The following OPCML variants were observed in gnomAD, a reference collection of about 807,000 sequenced individuals.
The protein encoded by OPCML is opioid-binding protein/cell adhesion molecule.
OPCML carries 13 observed loss-of-function variants against 37.8 expected under a neutral mutation model. That is an observed-to-expected ratio of 0.34 (90% CI 0.22 to 0.55). The LOEUF (loss-of-function observed/expected upper bound fraction) is 0.55. Among genes scored for constraint, OPCML ranks in the 20% least tolerant of loss-of-function variants. The pLI, the probability that OPCML is intolerant of heterozygous loss-of-function variation, is 0.91. For missense variants in OPCML, 341 were observed against 435.6 expected, an observed-to-expected ratio of 0.78 and a Z score of 1.93; for synonymous variants, 176 against 168.8, an observed-to-expected ratio of 1.04 and a Z score of -0.33.
intron 1 of OPCML, among the ~76,000 whole-genome samples, chr11:133,296,239 G>C (rs1258021915): frequency 6.6e-6 from 1 of 152,200 alleles, no homozygotes; most frequent in Non-Finnish European, 1.5e-5. Flanking sequence ...TTGGCAGAGG[G>C]AGGGGATTTC....
intron 1 of OPCML, among the ~76,000 whole-genome samples, chr11:133,268,807 A>T (rs1180626460): frequency 1.3e-5 from 2 of 152,220 alleles, no homozygotes; most frequent in African/African-American, 4.8e-5. Context: ...GTACGATATG[A>T]GTAGATAATT....
intron 4 of OPCML, among the ~76,000 whole-genome samples, chr11:132,466,035 C>T (rs1469645491): frequency 6.6e-6 from 1 of 152,136 alleles, no homozygotes; most frequent in Non-Finnish European, 1.5e-5. Context: ...CCAATGCACA[C>T]CTATATAGAG....
intron 1 of OPCML, among the ~76,000 whole-genome samples, chr11:133,520,108 A>G (rs753849386): frequency 1.1e-4 from 16 of 152,118 alleles, no homozygotes; most frequent in African/African-American, 1.4e-4. Context: ...ACAAAGACTC[A>G]ATGTGTGGGT....
intron 1 of OPCML, among the ~76,000 whole-genome samples, chr11:133,237,230 G>T (rs1356531662): frequency 6.6e-6 from 1 of 152,200 alleles, no homozygotes; most frequent in Admixed American, 6.5e-5. Flanking sequence ...CATTTAGAAA[G>T]GTTGTGCTTC....
At chr11:132,576,738 T>C (rs1012818159) in intron 3 of OPCML, among the ~76,000 whole-genome samples, 3 of 152,186 alleles carry the variant, frequency 2.0e-5, no homozygotes, top group Admixed American at 6.5e-5. Context: ...TGGTCTTCAC[T>C]GACTTCTTCT....
At chr11:133,253,523 T>C (rs1488832015) in intron 1 of OPCML, among the ~76,000 whole-genome samples, 4 of 152,202 alleles carry the variant, frequency 2.6e-5, no homozygotes, top group African/African-American at 9.7e-5. Context: ...TTGGCCAGGC[T>C]GGTCTCAAAC....
At chr11:132,907,078 ACAATT>A (rs1944267182) in intron 2 of OPCML, among the ~76,000 whole-genome samples, 1 of 152,184 alleles carries the variant, frequency 6.6e-6, no homozygotes, top group Non-Finnish European at 1.5e-5. Context: ...TTTCCTGCTT[ACAATT>A]CACAGCCCTC....
chr11:132,946,728 G>A (rs1297929858), intron 1 of OPCML, among the ~76,000 whole-genome samples: 1 of 152,152 alleles, frequency 6.6e-6, no homozygotes, highest in Non-Finnish European at 1.5e-5. Flanking sequence ...AAGGCTTTGG[G>A]GAGTTGTGAT....
chr11:132,865,113 A>C (rs1942477666), intron 2 of OPCML, among the ~76,000 whole-genome samples: 1 of 152,252 alleles, frequency 6.6e-6, no homozygotes. Context: ...TTTTTAAAAA[A>C]TATTATGAAA....
chr11:132,612,060 C>A (rs1424775853), intron 3 of OPCML, among the ~76,000 whole-genome samples: 4 of 152,156 alleles, frequency 2.6e-5, no homozygotes, highest in African/African-American at 9.7e-5. Context: ...TCAAGTTTTT[C>A]TATAACTATT....
intron 1 of OPCML, among the ~76,000 whole-genome samples, chr11:133,071,940 ATGCT>A (rs1202136611): frequency 1.3e-5 from 2 of 152,192 alleles, no homozygotes; most frequent in Non-Finnish European, 2.9e-5. Context: ...AAAGGATAAA[ATGCT>A]TGCCCAGAGT....
chr11:133,486,624 C>A (rs1347677567), intron 1 of OPCML, among the ~76,000 whole-genome samples: 1 of 152,090 alleles, frequency 6.6e-6, no homozygotes, highest in South Asian at 2.1e-4. Flanking sequence ...TTATCCAAAC[C>A]GATGGCTTTA....
chr11:133,427,274 T>C (rs1946021507), intron 1 of OPCML, among the ~76,000 whole-genome samples: 1 of 151,848 alleles, frequency 6.6e-6, no homozygotes, highest in Non-Finnish European at 1.5e-5. Flanking sequence ...TTGACCACAT[T>C]ACAATAAGAA....
intron 1 of OPCML, among the ~76,000 whole-genome samples, chr11:133,366,576 C>T (rs1944544045): frequency 6.6e-6 from 1 of 152,090 alleles, no homozygotes; most frequent in Non-Finnish European, 1.5e-5. Context: ...AAAACCATCC[C>T]TTCATGATGG....
chr11:133,369,942 G>A (rs563817590), intron 1 of OPCML, among the ~76,000 whole-genome samples: 96 of 152,262 alleles, frequency 6.3e-4, no homozygotes, highest in African/African-American at 2.2e-3. Flanking sequence ...TAACTTGGGG[G>A]ATGGAATTGA....
At chr11:132,716,153 G>A (rs1944466792) in intron 2 of OPCML, among the ~76,000 whole-genome samples, 2 of 152,174 alleles carry the variant, frequency 1.3e-5, no homozygotes, top group African/African-American at 2.4e-5. Flanking sequence ...GGTCTGCACT[G>A]TGGCCTGCAC....
intron 4 of OPCML, among the ~76,000 whole-genome samples, chr11:132,515,441 A>T (rs956673391): frequency 6.6e-6 from 1 of 152,170 alleles, no homozygotes; most frequent in Non-Finnish European, 1.5e-5. Context: ...TGGGAGATCA[A>T]ATTCCCTCAC....
intron 1 of OPCML, among the ~76,000 whole-genome samples, chr11:133,252,126 A>T (rs1192631859): frequency 1.3e-5 from 2 of 152,204 alleles, no homozygotes; most frequent in Non-Finnish European, 2.9e-5. Flanking sequence ...TTTAAAATAA[A>T]TTATATTAGG....
chr11:133,494,801 A>G (rs371411921), intron 1 of OPCML, among the ~76,000 whole-genome samples: 3,904 of 146,816 alleles, frequency 0.027, 71 homozygotes, highest in South Asian at 0.06. Flanking sequence ...CAGCACACCA[A>G]CATGGCACAT....
Sources: allele counts gnomAD v4.1 joint callset (sites outside exome capture counted in the v4.1 genomes callset), GRCh38; gene constraint gnomAD v4.1.1; transcripts MANE v1.5; gene names NCBI Gene and HGNC (gene_info 2026-07-23, HGNC 2026-07-21).